DGKI: variants seen among roughly 807,000 people sequenced by gnomAD.
DGKI encodes the protein diacylglycerol kinase iota.
In DGKI, 55 loss-of-function variants were observed where a neutral mutation model predicts 147.5. The observed-to-expected ratio is 0.37, with a 90% CI of 0.30 to 0.47. DGKI has a LOEUF of 0.47. Among genes scored for constraint, DGKI ranks in the 20% least tolerant of loss-of-function variants. The pLI is 1.00. For missense variants in DGKI, 1,007 were observed against 1,323.8 expected (o/e 0.76, Z 3.71); for synonymous variants, 469 against 477.1 (o/e 0.98, Z 0.22).
At chr7:137,616,860 G>A (rs952860325) in intron 8 of DGKI, among the ~76,000 whole-genome samples, 1 of 152,014 alleles carries the variant, frequency 6.6e-6, no homozygotes, top group African/African-American at 2.4e-5. Flanking sequence ...TTGTTGGGAT[G>A]AAGGAAAGGT....
At chr7:137,421,244 G>A (rs114099726) in intron 28 of DGKI, among the ~76,000 whole-genome samples, 1 of 152,094 alleles carries the variant, frequency 6.6e-6, no homozygotes, top group African/African-American at 2.4e-5. Flanking sequence ...GGCATCAAAA[G>A]GCCATTAGAT....
At chr7:137,720,133 G>A (rs1241089818) in intron 1 of DGKI, among the ~76,000 whole-genome samples, 1 of 151,892 alleles carries the variant, frequency 6.6e-6, no homozygotes, top group Non-Finnish European at 1.5e-5. Flanking sequence ...TTACACTAGA[G>A]CTGTAATACT....
intron 1 of DGKI, among the ~76,000 whole-genome samples, chr7:137,755,994 A>T (rs972412165): frequency 1.9e-4 from 29 of 152,190 alleles, no homozygotes; most frequent in African/African-American, 6.0e-4. Context: ...TAGGAGAGGT[A>T]TATTTTGAGC....
At chr7:137,492,500 T>G (rs1171577831) in intron 21 of DGKI, among the ~76,000 whole-genome samples, 1 of 151,928 alleles carries the variant, frequency 6.6e-6, no homozygotes, top group Admixed American at 6.6e-5. Flanking sequence ...ACCCCTGGGG[T>G]AGTGGTGAGT....
intron 3 of DGKI, among the ~76,000 whole-genome samples, chr7:137,665,593 T>C (rs1362822031): frequency 1.3e-5 from 2 of 152,066 alleles, no homozygotes; most frequent in Non-Finnish European, 2.9e-5. Flanking sequence ...TATGAAGTGT[T>C]TATGTTGATG....
intron 8 of DGKI, among the ~76,000 whole-genome samples, chr7:137,616,857 G>C (rs1006041899): frequency 1.1e-4 from 16 of 151,838 alleles, no homozygotes; most frequent in African/African-American, 3.6e-4. Context: ...TATTTGTTGG[G>C]ATGAAGGAAA....
intron 1 of DGKI, among the ~76,000 whole-genome samples, chr7:137,843,234 T>C (rs1490706140): frequency 6.6e-6 from 1 of 152,044 alleles, no homozygotes; most frequent in Admixed American, 6.5e-5. Context: ...TGAAGTCTTT[T>C]TTTTTTTATT....
At chr7:137,704,731 C>T (rs1793956636) in intron 1 of DGKI, among the ~76,000 whole-genome samples, 3 of 151,928 alleles carry the variant, frequency 2.0e-5, no homozygotes, top group Admixed American at 6.6e-5. Flanking sequence ...GTCAAAATGT[C>T]AAAAGTAAAA....
At chr7:137,478,659 A>G (rs980764453) in intron 23 of DGKI, among the ~76,000 whole-genome samples, 2 of 152,190 alleles carry the variant, frequency 1.3e-5, no homozygotes, top group African/African-American at 4.8e-5. Context: ...TCTCTGCAGA[A>G]GGGTGAAAAG....
chr7:137,571,580 C>A (rs962940589), intron 18 of DGKI, among the ~76,000 whole-genome samples: 3 of 152,118 alleles, frequency 2.0e-5, no homozygotes, highest in Non-Finnish European at 2.9e-5. Context: ...TATGATATAT[C>A]ATGAATTATC....
rs370857238 is a variant in DGKI at position 137,402,166 on chromosome 7, T to A, written c.2921-4753A>T. On this transcript the variant is annotated intron_variant, in intron 30 of 32. Coordinates refer to ENST00000614521, the MANE Select transcript of DGKI (RefSeq NM_001321708.2). ...GGTTAGCAGTGATTGTTACAGAAACTTTTTTTTCCTCAAAAGTGCCTGGGA... is the reference window on the plus strand; with the variant it reads ...GGTTAGCAGTGATTGTTACAGAAACATTTTTTTCCTCAAAAGTGCCTGGGA... Among the ~76,000 whole-genome samples, 6 of 152,266 alleles carry A rather than the reference T, an allele frequency of 3.9e-5. No individual in the cohort carries two copies. The East Asian group carries it at 9.6e-4, about 24-fold the overall frequency.
At chr7:137,625,347 C>T (rs1021641272) in intron 6 of DGKI, among the ~76,000 whole-genome samples, 1 of 152,064 alleles carries the variant, frequency 6.6e-6, no homozygotes, top group African/African-American at 2.4e-5. Flanking sequence ...GTAATCCCAG[C>T]TACTCGGGAG....
At chr7:137,800,461 T>A (rs763467749) in intron 1 of DGKI, among the ~76,000 whole-genome samples, 1 of 152,124 alleles carries the variant, frequency 6.6e-6, no homozygotes, top group Non-Finnish European at 1.5e-5. Context: ...TCAGTTTTGC[T>A]CCTTCTCCTG....
chr7:137,402,414 AC>A (rs1051326464), intron 30 of DGKI, among the ~76,000 whole-genome samples: 2 of 152,210 alleles, frequency 1.3e-5, no homozygotes, highest in Non-Finnish European at 2.9e-5. Context: ...AGGAAGCAAA[AC>A]TTCACAAATC....
chr7:137,816,096 T>C (rs1234922364), intron 1 of DGKI, among the ~76,000 whole-genome samples: 1 of 152,180 alleles, frequency 6.6e-6, no homozygotes, highest in African/African-American at 2.4e-5. Flanking sequence ...TTGAGTGCGA[T>C]ATGACCAACA....
chr7:137,782,449 C>A (rs376206589), intron 1 of DGKI, among the ~76,000 whole-genome samples: 1 of 152,298 alleles, frequency 6.6e-6, no homozygotes, highest in East Asian at 1.9e-4. Flanking sequence ...GGGAGCCCTG[C>A]CCAAGGAGAG....
At chr7:137,485,265 C>T (rs1189731497) in intron 23 of DGKI, 109 bp downstream of exon 23, 6 of 866,256 alleles carry the variant, frequency 6.9e-6, no homozygotes, top group Non-Finnish European at 1.1e-5. Flanking sequence ...TTAGAATGAA[C>T]TCTATCCCTA....
At chr7:137,479,957 C>T (rs1053359396) in intron 23 of DGKI, among the ~76,000 whole-genome samples, 1 of 152,072 alleles carries the variant, frequency 6.6e-6, no homozygotes. Flanking sequence ...CCCTCCATCT[C>T]GAACCTACTT....
At position 137,478,109 on chromosome 7, in the gene DGKI, C is replaced by T. The variant is rs540843403; in HGVS notation, c.2373+7265G>A. ...AAAACCAAACAGAAGTCTAGAATTACGTACAATATCAAAACTGAGGTAAAC... is the reference window on the plus strand; with the variant it reads ...AAAACCAAACAGAAGTCTAGAATTATGTACAATATCAAAACTGAGGTAAAC... On this transcript the variant is annotated intron_variant, in intron 23 of 32. Transcript: ENST00000614521. Among the ~76,000 whole-genome samples, 9 of 152,200 alleles carry T rather than the reference C, an allele frequency of 5.9e-5. No homozygotes were observed. The East Asian group carries it at 1.2e-3, about 20-fold the overall frequency.
Sources: allele counts gnomAD v4.1 joint callset (sites outside exome capture counted in the v4.1 genomes callset), GRCh38; gene constraint gnomAD v4.1.1; transcripts MANE v1.5; gene names NCBI Gene and HGNC (gene_info 2026-07-23, HGNC 2026-07-21).